Variants in ST18 observed in about 807,000 individuals in gnomAD.
ST18 encodes the protein suppression of tumorigenicity 18 protein.
A neutral mutation model predicts 110.0 loss-of-function variants in ST18; 50 were observed. The ratio of observed to expected loss-of-function variants is 0.45; its 90% CI spans 0.36 to 0.58. The LOEUF (loss-of-function observed/expected upper bound fraction) is 0.58, where lower values mean the gene tolerates loss of function less well. Ranked by LOEUF, ST18 falls within the 20% of genes least tolerant of loss-of-function variation. The probability of loss-of-function intolerance (pLI) is 0.00; values close to 1 mark genes in which losing one functional copy is unlikely to be tolerated. For synonymous variants in ST18, 461 were observed against 452.4 expected, an observed-to-expected ratio of 1.02 and a Z score of -0.24; for missense variants, 1,306 against 1,280.1, an observed-to-expected ratio of 1.02 and a Z score of -0.31.
intron 2 of ST18, among the ~76,000 whole-genome samples, chr8:52,333,701 G>A (rs1220399041): frequency 1.3e-5 from 2 of 152,198 alleles, no homozygotes; most frequent in African/African-American, 4.8e-5. Flanking sequence ...CTTTATATTT[G>A]ATAAACTTTG....
chr8:52,131,215 AG>A (rs1486230033), intron 22 of ST18, among the ~76,000 whole-genome samples: 1 of 152,248 alleles, frequency 6.6e-6, no homozygotes, highest in Non-Finnish European at 1.5e-5. Context: ...GGTTTCCTAA[AG>A]CTTCATTGGA....
chr8:52,181,096 T>C (rs2069311085), intron 8 of ST18, among the ~76,000 whole-genome samples: 2 of 152,218 alleles, frequency 1.3e-5, no homozygotes, highest in African/African-American at 4.8e-5. Flanking sequence ...GATCACTCTA[T>C]GTGTGAAGTT....
At chr8:52,365,178 G>A (rs1001767995) in intron 2 of ST18, among the ~76,000 whole-genome samples, 5 of 150,574 alleles carry the variant, frequency 3.3e-5, no homozygotes, top group African/African-American at 1.2e-4. Flanking sequence ...AAAACATGAT[G>A]ATGGAAAAAC....
chr8:52,176,259 G>A (rs929440936), intron 9 of ST18, among the ~76,000 whole-genome samples: 1 of 152,056 alleles, frequency 6.6e-6, no homozygotes, highest in Admixed American at 6.6e-5. Context: ...TCCTGACCTC[G>A]TGATCCGCCC....
At chr8:52,156,783 G>A (rs2060128374) in intron 15 of ST18, among the ~76,000 whole-genome samples, 1 of 151,782 alleles carries the variant, frequency 6.6e-6, no homozygotes, top group Non-Finnish European at 1.5e-5. Context: ...ACTGGCAGAA[G>A]GATTCTGCAC....
chr8:52,288,858 T>C (rs540877239), intron 2 of ST18, among the ~76,000 whole-genome samples: 1 of 152,256 alleles, frequency 6.6e-6, no homozygotes, highest in African/African-American at 2.4e-5. Context: ...GGAATTTTGA[T>C]AACAGCGTCA....
intron 2 of ST18, among the ~76,000 whole-genome samples, chr8:52,371,463 TC>T (rs1830248795): frequency 6.6e-6 from 1 of 152,236 alleles, no homozygotes; most frequent in Non-Finnish European, 1.5e-5. Flanking sequence ...CAAAACTGTG[TC>T]AAATCATGCA....
intron 2 of ST18, among the ~76,000 whole-genome samples, chr8:52,253,119 C>T (rs1185708649): frequency 2.6e-5 from 4 of 151,744 alleles, no homozygotes; most frequent in Non-Finnish European, 5.9e-5. Context: ...CAATTAGCTA[C>T]TTTCTTATTT....
chr8:52,148,220 T>G (rs1243087418), intron 16 of ST18, among the ~76,000 whole-genome samples: 1 of 152,214 alleles, frequency 6.6e-6, no homozygotes, highest in African/African-American at 2.4e-5. Flanking sequence ...TAAATGATTC[T>G]TCTAAAATAG....
intron 13 of ST18, 115 bp downstream of exon 13, chr8:52,163,871 C>A: frequency 2.8e-6 from 2 of 717,652 alleles, no homozygotes; most frequent in Non-Finnish European, 4.7e-6. Context: ...CCCAGGTCTA[C>A]TGGGGCTGAG....
At chr8:52,233,331 A>C (rs2091930726) in intron 2 of ST18, among the ~76,000 whole-genome samples, 1 of 152,172 alleles carries the variant, frequency 6.6e-6, no homozygotes, top group African/African-American at 2.4e-5. Context: ...AATAAAATAA[A>C]AATCTCCCTG....
At chr8:52,375,906 T>G (rs1832177174) in intron 2 of ST18, among the ~76,000 whole-genome samples, 1 of 152,116 alleles carries the variant, frequency 6.6e-6, no homozygotes, top group Non-Finnish European at 1.5e-5. Flanking sequence ...TCCCGTTAAT[T>G]GCTCAAATCA....
At chr8:52,126,864 A>G (rs2047301580) in intron 22 of ST18, among the ~76,000 whole-genome samples, 1 of 152,212 alleles carries the variant, frequency 6.6e-6, no homozygotes, top group Non-Finnish European at 1.5e-5. Context: ...TCTTTCCCTT[A>G]ATGTCATCTG....
chr8:52,212,309 C>G (rs1028144975), intron 7 of ST18, among the ~76,000 whole-genome samples, 200 bp from the exon 8 acceptor site: 5 of 152,144 alleles, frequency 3.3e-5, no homozygotes, highest in Non-Finnish European at 1.5e-5. Context: ...GGTTTAGTAC[C>G]TTGGGTGAAC....
At chr8:52,320,313 G>C (rs1803309767) in intron 2 of ST18, among the ~76,000 whole-genome samples, 1 of 152,104 alleles carries the variant, frequency 6.6e-6, no homozygotes, top group African/African-American at 2.4e-5. Context: ...AGCCTCTGTG[G>C]AGGAAACCCA....
At chr8:52,241,340 G>A (rs987486309) in intron 2 of ST18, among the ~76,000 whole-genome samples, 1 of 152,214 alleles carries the variant, frequency 6.6e-6, no homozygotes, top group African/African-American at 2.4e-5. Flanking sequence ...AACAAAGGTG[G>A]TCATTCTATT....
intron 15 of ST18, among the ~76,000 whole-genome samples, chr8:52,155,856 T>A (rs1563738605): frequency 6.6e-6 from 1 of 152,160 alleles, no homozygotes; most frequent in Admixed American, 6.5e-5. Context: ...CCCCAATATA[T>A]GGGCATGAAG....
chr8:52,347,633 G>A (rs919840084), intron 2 of ST18, among the ~76,000 whole-genome samples: 4 of 152,144 alleles, frequency 2.6e-5, no homozygotes, highest in African/African-American at 7.2e-5. Context: ...CACGGGGTAT[G>A]GTATGAATAG....
At chr8:52,260,203 G>A (rs2094642863) in intron 2 of ST18, among the ~76,000 whole-genome samples, 1 of 152,164 alleles carries the variant, frequency 6.6e-6, no homozygotes, top group Non-Finnish European at 1.5e-5. Flanking sequence ...GGAGTGTGGT[G>A]TATCTATGTA....
Sources: allele counts gnomAD v4.1 joint callset (sites outside exome capture counted in the v4.1 genomes callset), GRCh38; gene constraint gnomAD v4.1.1; transcripts MANE v1.5; gene names NCBI Gene and HGNC (gene_info 2026-07-23, HGNC 2026-07-21).